The following SFMBT2 variants were observed in gnomAD, a reference collection of about 807,000 sequenced individuals.
SFMBT2 encodes scm-like with four MBT domains protein 2.
In SFMBT2, 38 loss-of-function variants were observed where a neutral mutation model predicts 110.1. The ratio of observed to expected loss-of-function variants is 0.35; its 90% CI spans 0.27 to 0.45. The LOEUF is 0.45. Among genes scored for constraint, SFMBT2 ranks in the 20% least tolerant of loss-of-function variants. The probability of loss-of-function intolerance (pLI) is 1.00; values close to 1 mark genes in which losing one functional copy is unlikely to be tolerated. For missense variants in SFMBT2, 1,011 were observed against 1,094.9 expected, an observed-to-expected ratio of 0.92 and a Z score of 1.08; for synonymous variants, 425 against 425.4, an observed-to-expected ratio of 1.00 and a Z score of 0.01.
intron 15 of SFMBT2, among the ~76,000 whole-genome samples, chr10:7,193,576 T>C (rs554052244): frequency 1.3e-5 from 2 of 150,918 alleles, no homozygotes; most frequent in African/African-American, 4.9e-5. Flanking sequence ...CTCACCTTCA[T>C]CATGGGTCTG....
intron 17 of SFMBT2, among the ~76,000 whole-genome samples, chr10:7,174,758 T>C (rs1384136679): frequency 6.6e-6 from 1 of 152,152 alleles, no homozygotes; most frequent in East Asian, 1.9e-4. Context: ...TGTTTCCCAG[T>C]GAAGCCCTCC....
intron 1 of SFMBT2, among the ~76,000 whole-genome samples, chr10:7,386,277 G>A: frequency 6.6e-6 from 1 of 152,156 alleles, no homozygotes. Context: ...TAGTGTCCTA[G>A]TGAGAAGAGA....
intron 4 of SFMBT2, among the ~76,000 whole-genome samples, chr10:7,318,485 T>A (rs1843079731): frequency 6.6e-6 from 1 of 152,244 alleles, no homozygotes; most frequent in African/African-American, 2.4e-5. Context: ...GCCCAAGTAC[T>A]TGGACTTGTA....
At chr10:7,373,614 T>C (rs1216003163) in intron 2 of SFMBT2, among the ~76,000 whole-genome samples, 1 of 152,130 alleles carries the variant, frequency 6.6e-6, no homozygotes, top group Non-Finnish European at 1.5e-5. Context: ...CTCCCACCTG[T>C]ATCATGCACC....
At chr10:7,338,719 T>A (rs1843796989) in intron 4 of SFMBT2, among the ~76,000 whole-genome samples, 2 of 152,096 alleles carry the variant, frequency 1.3e-5, no homozygotes, top group African/African-American at 4.8e-5. Context: ...TTCAAACTCG[T>A]GTTGTTCAAG....
At chr10:7,355,501 T>C (rs887333742) in intron 4 of SFMBT2, among the ~76,000 whole-genome samples, 1 of 152,166 alleles carries the variant, frequency 6.6e-6, no homozygotes, top group African/African-American at 2.4e-5. Flanking sequence ...TGAATTTGTA[T>C]GGTAAAATAT....
chr10:7,296,228 C>G (rs1842404234), intron 4 of SFMBT2, among the ~76,000 whole-genome samples: 1 of 152,226 alleles, frequency 6.6e-6, no homozygotes, highest in Non-Finnish European at 1.5e-5. Context: ...GATGTTACTG[C>G]TCCTGCTTTA....
chr10:7,192,108 G>A (rs1253262016), intron 15 of SFMBT2, among the ~76,000 whole-genome samples: 1 of 152,110 alleles, frequency 6.6e-6, no homozygotes, highest in African/African-American at 2.4e-5. Flanking sequence ...GACCATGTGA[G>A]TGTGTTCAAG....
chr10:7,313,334 G>A (rs1286556958), intron 4 of SFMBT2, among the ~76,000 whole-genome samples: 1 of 152,154 alleles, frequency 6.6e-6, no homozygotes, highest in Non-Finnish European at 1.5e-5. Context: ...AAAGTTATGT[G>A]ACATATCCAT....
chr10:7,366,455 G>A (rs1844904978), intron 4 of SFMBT2, among the ~76,000 whole-genome samples: 1 of 149,960 alleles, frequency 6.7e-6, no homozygotes, highest in South Asian at 2.1e-4. Flanking sequence ...AAAAGATAGA[G>A]CTCCGATACC....
chr10:7,369,155 G>A (rs546562799), intron 3 of SFMBT2, among the ~76,000 whole-genome samples: 15 of 152,226 alleles, frequency 9.9e-5, no homozygotes, highest in Non-Finnish European at 1.6e-4. Flanking sequence ...GGCGAGACTT[G>A]GCTAACAGAA....
At position 7,339,624 on chromosome 10, in the gene SFMBT2, T is replaced by C. The variant is rs182881279; in HGVS notation, c.436+28025A>G. ...GCCTTATATCTTACTCTCCACAAAT[T>C]AGACTGCATCCTTAAAAGGCATCCG... On this transcript the variant is annotated intron_variant, in intron 4 of 20. Coordinates refer to ENST00000397167, the MANE Select transcript of SFMBT2 (RefSeq NM_001387889.1). Among the ~76,000 whole-genome samples the C allele has an allele frequency of 3.7e-3, 558 of 152,282 alleles. 4 individuals carry two copies. Among genetic ancestry groups the C allele is most frequent in the African/African-American group, 0.013 (540 of 41,548 alleles).
chr10:7,333,110 G>A (rs1037944741), intron 4 of SFMBT2, among the ~76,000 whole-genome samples: 5 of 152,036 alleles, frequency 3.3e-5, no homozygotes, highest in Non-Finnish European at 4.4e-5. Flanking sequence ...CAGGTGATCC[G>A]CCCACCCTGG....
intron 12 of SFMBT2, chr10:7,203,848 T>C (rs529353738): frequency 3.1e-5 from 5 of 159,434 alleles, no homozygotes; most frequent in Non-Finnish European, 5.3e-5. Context: ...TCCGAGTAGC[T>C]GGAATGACAG....
At chr10:7,201,282 C>T (rs937112625) in intron 13 of SFMBT2, among the ~76,000 whole-genome samples, 8 of 152,366 alleles carry the variant, frequency 5.3e-5, no homozygotes, top group Non-Finnish European at 1.0e-4. Flanking sequence ...TGGGCCCCAT[C>T]TCGGACATTC....
intron 1 of SFMBT2, among the ~76,000 whole-genome samples, chr10:7,393,295 T>G (rs1845833171): frequency 6.6e-6 from 1 of 152,056 alleles, no homozygotes; most frequent in African/African-American, 2.4e-5. Context: ...CCTCCCAAAG[T>G]GCTGGGATTA....
chr10:7,199,266 A>G (rs917418275), intron 14 of SFMBT2, among the ~76,000 whole-genome samples: 4 of 152,218 alleles, frequency 2.6e-5, no homozygotes, highest in African/African-American at 7.2e-5. Context: ...GGCATGAGCC[A>G]CCATGCTGGG....
At chr10:7,210,748 T>C (rs1367141153) in intron 11 of SFMBT2, among the ~76,000 whole-genome samples, 1 of 152,204 alleles carries the variant, frequency 6.6e-6, no homozygotes, top group Non-Finnish European at 1.5e-5. Context: ...TGCAGATGCC[T>C]ATCAAGAAGC....
chr10:7,190,506 GT>G (rs1163391546), intron 15 of SFMBT2, among the ~76,000 whole-genome samples: 2 of 152,206 alleles, frequency 1.3e-5, no homozygotes, highest in South Asian at 4.1e-4. Flanking sequence ...GATATTGAAT[GT>G]TTTTCCCTTG....
Sources: gnomAD v4.1 joint callset for allele counts (sites outside exome capture counted in the v4.1 genomes callset) on GRCh38, gnomAD v4.1.1 for gene constraint, MANE v1.5 for transcripts, NCBI Gene and HGNC (gene_info 2026-07-23, HGNC 2026-07-21) for gene names.